Variants in ITM2C observed in about 807,000 individuals in gnomAD.
The protein encoded by ITM2C is BRICHOS domain containing 2C.
A neutral mutation model predicts 30.0 loss-of-function variants in ITM2C; 20 were observed. The ratio of observed to expected loss-of-function variants is 0.67; its 90% CI spans 0.47 to 0.97. The LOEUF is 0.97. Among genes scored for constraint, ITM2C ranks in the 50% least tolerant of loss-of-function variants. ITM2C has a pLI of 0.00. For synonymous variants in ITM2C, 167 were observed against 156.4 expected, an observed-to-expected ratio of 1.07 and a Z score of -0.51; for missense variants, 366 against 371.9, an observed-to-expected ratio of 0.98 and a Z score of 0.13.
rs1028008897 is a variant in ITM2C at position 230,877,168 on chromosome 2, C to T, written c.561+201C>T. On this transcript the variant is annotated intron_variant, in intron 4 of 5. Transcript: ENST00000326427. This position sits in a 1 kb window ranked among gnomAD's most constrained non-coding sequence, Gnocchi z 4.8. ...TTCCACATCTCCAGAGTCAATGCCC[C>T]GAGACCGGCTTCCTTAGTGTTCAAG... 2.6e-5 allele frequency among the ~76,000 whole-genome samples: 4 copies of T among 152,202 alleles called. No individual in the cohort carries two copies. Among genetic ancestry groups the T allele is most frequent in the Non-Finnish European group, 4.4e-5 (3 of 68,026 alleles).
rs1697015025 is a variant in ITM2C at position 230,865,870 on chromosome 2, C to T, written c.120+725C>T. On this transcript the variant is annotated intron_variant, in intron 1 of 5. Coordinates refer to ENST00000326427, the MANE Select transcript of ITM2C (RefSeq NM_030926.6). This position sits in a 1 kb window ranked among gnomAD's most constrained non-coding sequence, Gnocchi z 6.8. ...CCTCTCTTTTCTCCATTCCCAGCCT[C>T]TCGCTGGGCTGTCCCCCGACCCCAC... The T allele has an allele frequency of 1.3e-5, 2 of 152,508 alleles. No homozygotes were observed. Among genetic ancestry groups the T allele is most frequent in the Non-Finnish European group, 2.9e-5 (2 of 68,152 alleles). 9.4% of individuals were successfully genotyped at this position (152,508 alleles called of 1,614,324 possible). A position where few individuals can be genotyped will look rare whatever the true frequency, so the allele number is the denominator to read the frequency against.
At chr2:230,869,185 T>C (rs1429780230) in intron 1 of ITM2C, among the ~76,000 whole-genome samples, 1 of 152,188 alleles carries the variant, frequency 6.6e-6, no homozygotes, top group African/African-American at 2.4e-5. Flanking sequence ...TGAGCTTTTG[T>C]TGTCTGGAGA....
intron 1 of ITM2C, 35 bp from the exon 2 acceptor site, chr2:230,873,382 C>T (rs1267857132): frequency 6.7e-7 from 1 of 1,491,302 alleles, no homozygotes; most frequent in Non-Finnish European, 8.9e-7. Flanking sequence ...GGGGAGGGGC[C>T]CTGGCCCCCA....
In ITM2C at chr2:230,877,373, C is replaced by A. The variant is rs747773927; in HGVS notation, c.562-27C>A. 6.2e-7 allele frequency: 1 copy of A among 1,610,722 alleles called. No homozygotes were observed. Among genetic ancestry groups the A allele is most frequent in the Non-Finnish European group, 8.5e-7 (1 of 1,177,864 alleles). ...TGGACGAAAGCCTGAGGGGCCGACT[C>A]ACTGTGGCGGCCACCTTGTTTTGCA... On this transcript the variant is annotated intron_variant, in intron 4 of 5. Coordinates refer to ENST00000326427, the MANE Select transcript of ITM2C (RefSeq NM_030926.6). The surrounding 1 kb of genome is among the most constrained non-coding windows in gnomAD (Gnocchi z 4.8).
intron 1 of ITM2C, among the ~76,000 whole-genome samples, chr2:230,871,105 CCT>C (rs1280846630): frequency 6.6e-6 from 1 of 152,232 alleles, no homozygotes; most frequent in Non-Finnish European, 1.5e-5. Context: ...CAGCAAAACC[CCT>C]GTCACGCAGA....
chr2:230,873,749 A>G (rs929738909), intron 2 of ITM2C, among the ~76,000 whole-genome samples, 192 bp downstream of exon 2: 1 of 152,122 alleles, frequency 6.6e-6, no homozygotes, highest in Non-Finnish European at 1.5e-5. Context: ...GGCCAGTCCC[A>G]CATTTAGCCC....
intron 1 of ITM2C, among the ~76,000 whole-genome samples, chr2:230,869,223 A>C (rs1697104783): frequency 6.6e-6 from 1 of 152,154 alleles, no homozygotes; most frequent in Non-Finnish European, 1.5e-5. Flanking sequence ...ATGGAAGAGA[A>C]GAGGGAATTC....
chr2:230,877,635 G>C lies in ITM2C; in HGVS notation c.712+85G>C. On this transcript the variant is annotated intron_variant, in intron 5 of 5. Coordinates refer to ENST00000326427, the MANE Select transcript of ITM2C (RefSeq NM_030926.6). This position sits in a 1 kb window ranked among gnomAD's most constrained non-coding sequence, Gnocchi z 4.8. ...TCACGCCTAGCCCAGCTGTCAGAGA[G>C]CTCAGATAGCAGCAGCAATAACAGC... 2 of 1,428,568 alleles carry C rather than the reference G, an allele frequency of 1.4e-6. No homozygotes were observed. The highest frequency in any genetic ancestry group is 1.9e-6 in the Non-Finnish European group (2 of 1,029,870). 88.5% of individuals were successfully genotyped at this position (1,428,568 alleles called of 1,614,324 possible). A position where few individuals can be genotyped will look rare whatever the true frequency, so the allele number is the denominator to read the frequency against.
intron 2 of ITM2C, among the ~76,000 whole-genome samples, chr2:230,875,078 G>A (rs1327699960): frequency 6.6e-6 from 1 of 152,218 alleles, no homozygotes. Flanking sequence ...AGGTCTGCAG[G>A]CCAGGACAGC....
At position 230,865,274 on chromosome 2, in the gene ITM2C, A is replaced by T. The variant is rs1574586075; in HGVS notation, c.120+129A>T. 13 of 1,017,232 alleles carry T rather than the reference A, an allele frequency of 1.3e-5. No homozygotes were observed. In the East Asian group the frequency reaches 4.3e-4, roughly 33 times the overall value. The allele number at this position is 1,017,232 out of a possible 1,614,324, so 63.0% of individuals were successfully genotyped here. ...GAGCCCGGGGTGGAGCAGGGTTGGG[A>T]AGTCTCGAATGGTTGCTTATCCCAG... On this transcript the variant is annotated intron_variant, in intron 1 of 5. Transcript: ENST00000326427. The surrounding 1 kb of genome is among the most constrained non-coding windows in gnomAD (Gnocchi z 6.8).
At chr2:230,875,903 C>T (rs1433580002) in intron 3 of ITM2C, 95 bp downstream of exon 3, 3 of 1,016,734 alleles carry the variant, frequency 3.0e-6, no homozygotes, top group Non-Finnish European at 4.3e-6. Context: ...CCTCGGAGTA[C>T]AGCAGGTGTC....
At chr2:230,875,515 C>A in intron 2 of ITM2C, 105 bp from the exon 3 acceptor site, 1 of 984,242 alleles carries the variant, frequency 1.0e-6, no homozygotes, top group Non-Finnish European at 1.5e-6. Context: ...CTTGCTTCCG[C>A]AGGCTTTTGG....
intron 2 of ITM2C, among the ~76,000 whole-genome samples, chr2:230,874,045 C>A (rs1363895036): frequency 6.6e-6 from 1 of 152,232 alleles, no homozygotes; most frequent in East Asian, 1.9e-4. Flanking sequence ...CAACTATCAT[C>A]CCCCTCCCCG....
intron 2 of ITM2C, among the ~76,000 whole-genome samples, chr2:230,873,836 A>C (rs1410637890): frequency 6.6e-6 from 1 of 152,146 alleles, no homozygotes; most frequent in East Asian, 1.9e-4. Flanking sequence ...GGGAATTCTC[A>C]CCAGAAACTC....
chr2:230,874,817 C>T (rs923038978), intron 2 of ITM2C, among the ~76,000 whole-genome samples: 3 of 152,096 alleles, frequency 2.0e-5, no homozygotes, highest in African/African-American at 7.2e-5. Flanking sequence ...AGTGGGCAGA[C>T]TGGCCCGCCC....
chr2:230,875,892 T>C, intron 3 of ITM2C, 84 bp downstream of exon 3: 8 of 1,044,044 alleles, frequency 7.7e-6, no homozygotes, highest in African/African-American at 1.6e-5. Flanking sequence ...GAAAGGAGAC[T>C]CCTCGGAGTA....
chr2:230,877,136 C>A lies in ITM2C; in HGVS notation c.561+169C>A, dbSNP rs1697322719. Reference sequence around the variant, plus strand: ...CCAGATTGGTCTCGCCTCTGCTATCCCCCTGCTTCCACATCTCCAGAGTCA... The same window carrying A: ...CCAGATTGGTCTCGCCTCTGCTATCACCCTGCTTCCACATCTCCAGAGTCA... On this transcript the variant is annotated intron_variant, in intron 4 of 5. Transcript: ENST00000326427. The surrounding 1 kb of genome is among the most constrained non-coding windows in gnomAD (Gnocchi z 4.8). Among the ~76,000 whole-genome samples the A allele has an allele frequency of 6.6e-6, 1 of 152,160 alleles. No individual in the cohort carries two copies. The highest frequency in any genetic ancestry group is 2.4e-5 in the African/African-American group (1 of 41,424).
Position 230,877,018 on chromosome 2 carries a change from C to T in ITM2C, c.561+51C>T, listed in dbSNP as rs375074742. 8 of 1,263,756 alleles carry T rather than the reference C, an allele frequency of 6.3e-6. No individual in the cohort carries two copies. Among genetic ancestry groups the T allele is most frequent in the Non-Finnish European group, 9.3e-6 (8 of 864,094 alleles). The allele number at this position is 1,263,756 out of a possible 1,614,324, so 78.3% of individuals were successfully genotyped here. On this transcript the variant is annotated intron_variant, in intron 4 of 5. Transcript: ENST00000326427. This position sits in a 1 kb window ranked among gnomAD's most constrained non-coding sequence, Gnocchi z 4.8. Reference sequence around the variant, plus strand: ...TGCAGCATCCTGTCCCTCCCTTGCCCCCTGTCTCATGGAGGCTAGGTCTGA... The same window carrying T: ...TGCAGCATCCTGTCCCTCCCTTGCCTCCTGTCTCATGGAGGCTAGGTCTGA...
chr2:230,876,722 C>T lies in ITM2C; in HGVS notation c.451-135C>T, dbSNP rs1405886088. 3 of 602,620 alleles carry T rather than the reference C, an allele frequency of 5.0e-6. No individual in the cohort carries two copies. The East Asian group carries it at 8.4e-5, about 17-fold the overall frequency. The allele number at this position is 602,620 out of a possible 1,614,324, so 37.3% of individuals were successfully genotyped here. A position where few individuals can be genotyped will look rare whatever the true frequency, so the allele number is the denominator to read the frequency against. Reference sequence around the variant, plus strand: ...GGTCTCGATCTCCTGACCTTTGATCCGCCCGCCTCAGCCTCCCAAAGTGCT... The same window carrying T: ...GGTCTCGATCTCCTGACCTTTGATCTGCCCGCCTCAGCCTCCCAAAGTGCT... On this transcript the variant is annotated intron_variant, in intron 3 of 5. Transcript: ENST00000326427.
Sources: gnomAD v4.1 joint callset for allele counts (sites outside exome capture counted in the v4.1 genomes callset) on GRCh38, gnomAD v4.1.1 for gene constraint, Gnocchi (gnomAD v3.1) non-coding constraint, MANE v1.5 for transcripts, NCBI Gene and HGNC (gene_info 2026-07-23, HGNC 2026-07-21) for gene names.